DPP10: variants seen among roughly 807,000 people sequenced by gnomAD.
The protein encoded by DPP10 is inactive dipeptidyl peptidase 10.
DPP10 carries 33 observed loss-of-function variants against 120.9 expected under a neutral mutation model. The ratio of observed to expected loss-of-function variants is 0.27; its 90% CI spans 0.21 to 0.37. The LOEUF is 0.37. DPP10 is among the 10% of genes least tolerant of loss of function. DPP10 has a pLI of 1.00. For missense variants in DPP10, 816 were observed against 942.8 expected, an observed-to-expected ratio of 0.87 and a Z score of 1.76; for synonymous variants, 337 against 326.1, an observed-to-expected ratio of 1.03 and a Z score of -0.36.
intron 1 of DPP10, among the ~76,000 whole-genome samples, chr2:115,258,755 G>T (rs2059120633): frequency 6.6e-6 from 1 of 151,938 alleles, no homozygotes; most frequent in Admixed American, 6.6e-5. Flanking sequence ...TACTACTTAG[G>T]GCACACTGGC....
At chr2:114,983,967 G>A (rs890930623) in intron 1 of DPP10, among the ~76,000 whole-genome samples, 2 of 152,112 alleles carry the variant, frequency 1.3e-5, no homozygotes, top group Admixed American at 6.5e-5. Context: ...CTCTTACACC[G>A]CCTCTCCATG....
intron 1 of DPP10, among the ~76,000 whole-genome samples, chr2:115,261,147 A>G (rs2059234238): frequency 1.3e-5 from 2 of 152,204 alleles, no homozygotes; most frequent in Non-Finnish European, 2.9e-5. Context: ...AAGAACAACA[A>G]CAACAAAAAA....
chr2:115,273,303 T>A (rs143696077), intron 1 of DPP10, among the ~76,000 whole-genome samples: 776 of 152,128 alleles, frequency 5.1e-3, no homozygotes, highest in African/African-American at 0.015. Context: ...ATCTATACCG[T>A]TTTTTCAGAG....
At chr2:114,899,247 T>G (rs1488849774) in intron 1 of DPP10, among the ~76,000 whole-genome samples, 1 of 152,098 alleles carries the variant, frequency 6.6e-6, no homozygotes, top group Non-Finnish European at 1.5e-5. Context: ...TAGAGGCAGC[T>G]AGACAGTGGT....
At chr2:114,892,545 A>G (rs1243256728) in intron 1 of DPP10, among the ~76,000 whole-genome samples, 2 of 152,232 alleles carry the variant, frequency 1.3e-5, no homozygotes, top group Non-Finnish European at 2.9e-5. Context: ...GAGCAGGTGA[A>G]AGAATGAGGC....
intron 1 of DPP10, among the ~76,000 whole-genome samples, chr2:114,547,902 G>A (rs1687549173): frequency 6.6e-6 from 1 of 152,152 alleles, no homozygotes. Flanking sequence ...CAGCAGGGGT[G>A]GGCTGGTGAT....
At chr2:115,273,107 G>T (rs2059768321) in intron 1 of DPP10, among the ~76,000 whole-genome samples, 1 of 152,080 alleles carries the variant, frequency 6.6e-6, no homozygotes, top group East Asian at 1.9e-4. Context: ...TAATCTGTAT[G>T]AATTTTGGCT....
chr2:115,056,251 T>C (rs541882860), intron 1 of DPP10, among the ~76,000 whole-genome samples: 49 of 152,316 alleles, frequency 3.2e-4, no homozygotes, highest in Non-Finnish European at 5.0e-4. Flanking sequence ...AAGGATACTA[T>C]TGTGTGGAGA....
At position 114,442,715 on chromosome 2, in the gene DPP10, G is replaced by A; in HGVS notation, c.-64G>A. The A allele has an allele frequency of 1.9e-6, 3 of 1,597,422 alleles. No homozygotes were observed. Among genetic ancestry groups the A allele is most frequent in the Admixed American group, 3.4e-5 (2 of 59,124 alleles). On this transcript the variant is annotated 5_prime_UTR_variant, in exon 1 of 26. Transcript: ENST00000410059. ...GCCCCTACTGAAGTCCAATAGAGGAGACTTGATCTCTAGTTCATTCTGGAA... is the reference window on the plus strand; with the variant it reads ...GCCCCTACTGAAGTCCAATAGAGGAAACTTGATCTCTAGTTCATTCTGGAA...
chr2:114,814,459 G>A (rs970352362), intron 1 of DPP10, among the ~76,000 whole-genome samples: 1 of 151,446 alleles, frequency 6.6e-6, no homozygotes, highest in African/African-American at 2.4e-5. Flanking sequence ...TATTCTAATA[G>A]CCTCATTTTT....
rs192352066 is a variant in DPP10 at position 114,844,762 on chromosome 2, A to C, written c.60+401924A>C. On this transcript the variant is annotated intron_variant, in intron 1 of 25. Coordinates refer to ENST00000410059, the MANE Select transcript of DPP10 (RefSeq NM_020868.6). ...ATACTATCAACTTATATATTTATAT[A>C]TTTAAATTGAATATTCAAGCAAGAT... is the stretch of plus-strand genomic sequence containing the variant. Among the ~76,000 whole-genome samples the C allele has an allele frequency of 8.6e-5, 13 of 151,786 alleles. No individual in the cohort carries two copies. The East Asian group carries it at 2.5e-3, about 29-fold the overall frequency.
intron 4 of DPP10, among the ~76,000 whole-genome samples, chr2:115,515,836 A>G (rs186257657): frequency 1.4e-4 from 22 of 152,232 alleles, no homozygotes; most frequent in Admixed American, 1.4e-3. Flanking sequence ...TAAGAGTTGG[A>G]AATATTACCC....
chr2:115,462,862 T>C (rs551134574), intron 3 of DPP10, among the ~76,000 whole-genome samples: 1 of 152,224 alleles, frequency 6.6e-6, no homozygotes, highest in African/African-American at 2.4e-5. Context: ...CCCCAGTAGC[T>C]GTGACTAGAA....
intron 7 of DPP10, among the ~76,000 whole-genome samples, chr2:115,691,238 A>AT (rs991411393): frequency 4.6e-5 from 7 of 151,884 alleles, no homozygotes; most frequent in East Asian, 1.9e-4. Context: ...CTACAAACAT[A>AT]TTTTTTTATA....
chr2:115,713,492 A>C (rs770278870), intron 7 of DPP10, among the ~76,000 whole-genome samples: 1 of 152,234 alleles, frequency 6.6e-6, no homozygotes. Context: ...ACAGGAATAC[A>C]TGACATGAAA....
intron 21 of DPP10, among the ~76,000 whole-genome samples, chr2:115,822,321 A>C (rs932646232): frequency 6.6e-6 from 1 of 151,948 alleles, no homozygotes. Context: ...CATACCATGA[A>C]ATTCATCCTT....
chr2:115,747,594 C>CTTTTTT (rs3980905), intron 10 of DPP10, among the ~76,000 whole-genome samples: 23 of 141,224 alleles, frequency 1.6e-4, no homozygotes, highest in Non-Finnish European at 1.2e-4. Context: ...ATCCCCTTGT[C>CTTTTTT]TTTTTTTTTT....
chr2:115,773,164 A>G (rs1041462279), intron 13 of DPP10, among the ~76,000 whole-genome samples: 1 of 152,156 alleles, frequency 6.6e-6, no homozygotes, highest in Non-Finnish European at 1.5e-5. Flanking sequence ...TGGTGAATAG[A>G]TGGCAAATTA....
chr2:114,797,480 C>T (rs1437041760), intron 1 of DPP10, among the ~76,000 whole-genome samples: 2 of 152,250 alleles, frequency 1.3e-5, no homozygotes, highest in Admixed American at 1.3e-4. Flanking sequence ...AACGTTGGAG[C>T]ATTAACAAGA....
Sources: allele counts gnomAD v4.1 joint callset (sites outside exome capture counted in the v4.1 genomes callset), GRCh38; gene constraint gnomAD v4.1.1; transcripts MANE v1.5; gene names NCBI Gene and HGNC (gene_info 2026-07-23, HGNC 2026-07-21).